HCN1: variants seen among roughly 807,000 people sequenced by gnomAD.
The protein encoded by HCN1 is hyperpolarization activated cyclic nucleotide gated potassium channel 1.
Under a neutral mutation model 78.9 loss-of-function variants are expected in HCN1, and 13 were observed. The observed-to-expected ratio is 0.16, with a 90% CI of 0.11 to 0.26. The LOEUF is 0.26. Among genes scored for constraint, HCN1 ranks in the 10% least tolerant of loss-of-function variants. HCN1 has a pLI of 1.00. For missense variants in HCN1, 810 were observed against 1,154.3 expected, an observed-to-expected ratio of 0.70 and a Z score of 4.32; for synonymous variants, 552 against 455.5, an observed-to-expected ratio of 1.21 and a Z score of -2.70.
chr5:45,438,206 C>T (rs1579894699), intron 3 of HCN1, among the ~76,000 whole-genome samples: 1 of 152,162 alleles, frequency 6.6e-6, no homozygotes, highest in South Asian at 2.1e-4. Context: ...CATGTTAACA[C>T]ATCCAATTTT....
At chr5:45,360,965 T>A (rs1257902459) in intron 4 of HCN1, among the ~76,000 whole-genome samples, 1 of 152,118 alleles carries the variant, frequency 6.6e-6, no homozygotes, top group African/African-American at 2.4e-5. Context: ...ATGCAAAAGC[T>A]TTTTTGAAAT....
rs370606536 is a variant in HCN1 at position 45,324,819 on chromosome 5, C to T, written c.1378-20980G>A. On this transcript the variant is annotated intron_variant, in intron 5 of 7. Transcript: ENST00000303230. ...AATTATAATCTCTACGCTGACTACA[C>T]GAAATTTGTGAAAAAAAATTTTTTA... Among the ~76,000 whole-genome samples, 26 of 151,410 alleles carry T rather than the reference C, an allele frequency of 1.7e-4. No homozygotes were observed. The South Asian group carries it at 4.4e-3, about 26-fold the overall frequency.
At chr5:45,319,390 A>G (rs1404887438) in intron 5 of HCN1, among the ~76,000 whole-genome samples, 1 of 151,932 alleles carries the variant, frequency 6.6e-6, no homozygotes, top group Non-Finnish European at 1.5e-5. Context: ...GTAAGTCGAC[A>G]TATCTGACTG....
At chr5:45,523,372 T>C (rs1369107123) in intron 2 of HCN1, among the ~76,000 whole-genome samples, 5 of 151,908 alleles carry the variant, frequency 3.3e-5, no homozygotes, top group Non-Finnish European at 7.4e-5. Context: ...GGGTATATAC[T>C]CAGTAATGGG....
intron 5 of HCN1, among the ~76,000 whole-genome samples, chr5:45,318,887 T>G (rs1746062136): frequency 6.6e-6 from 1 of 152,014 alleles, no homozygotes; most frequent in Non-Finnish European, 1.5e-5. Context: ...GCTATTCTGA[T>G]TTCTATCACT....
intron 5 of HCN1, among the ~76,000 whole-genome samples, chr5:45,315,146 T>C (rs1045281184): frequency 6.6e-6 from 1 of 152,154 alleles, no homozygotes; most frequent in African/African-American, 2.4e-5. Flanking sequence ...TATTCCAAAA[T>C]TGACAACATA....
chr5:45,423,575 CA>C (rs201744977), intron 3 of HCN1, among the ~76,000 whole-genome samples: 4,541 of 152,262 alleles, frequency 0.03, 229 homozygotes, highest in African/African-American at 0.1. Flanking sequence ...ATATTTCAAT[CA>C]TATCCATTCT....
At chr5:45,290,220 T>C (rs934512360) in intron 6 of HCN1, among the ~76,000 whole-genome samples, 7 of 152,056 alleles carry the variant, frequency 4.6e-5, no homozygotes, top group Non-Finnish European at 1.0e-4. Context: ...CCCAGCCATG[T>C]GGAGCTGTGA....
intron 2 of HCN1, among the ~76,000 whole-genome samples, chr5:45,518,320 T>C (rs1561185800): frequency 6.6e-6 from 1 of 151,944 alleles, no homozygotes; most frequent in South Asian, 2.1e-4. Context: ...CCAAGCAGTA[T>C]GAGAGGCCTC....
chr5:45,537,910 C>T (rs1353015242), intron 2 of HCN1, among the ~76,000 whole-genome samples: 1 of 152,000 alleles, frequency 6.6e-6, no homozygotes, highest in Non-Finnish European at 1.5e-5. Flanking sequence ...TTGTAGTAGA[C>T]TCCAAGGTCA....
At chr5:45,517,258 G>T (rs1452672037) in intron 2 of HCN1, among the ~76,000 whole-genome samples, 1 of 151,656 alleles carries the variant, frequency 6.6e-6, no homozygotes, top group Non-Finnish European at 1.5e-5. Context: ...AATTTCTAGT[G>T]GGGTAAAAAT....
At chr5:45,399,640 G>A (rs1005022142) in intron 3 of HCN1, among the ~76,000 whole-genome samples, 1 of 152,056 alleles carries the variant, frequency 6.6e-6, no homozygotes, top group African/African-American at 2.4e-5. Context: ...CATCAAATTT[G>A]TAGATTTAAA....
At chr5:45,659,940 G>A (rs1381422309) in intron 1 of HCN1, among the ~76,000 whole-genome samples, 1 of 145,594 alleles carries the variant, frequency 6.9e-6, no homozygotes, top group Non-Finnish European at 1.5e-5. Context: ...TTCAGATTCA[G>A]GAAATACAGA....
chr5:45,680,323 C>T (rs556098660), intron 1 of HCN1, among the ~76,000 whole-genome samples: 4 of 152,154 alleles, frequency 2.6e-5, no homozygotes, highest in South Asian at 4.1e-4. Flanking sequence ...TAAAGAATTG[C>T]TATTTTATAA....
intron 5 of HCN1, among the ~76,000 whole-genome samples, chr5:45,319,806 C>A (rs1746085282): frequency 6.6e-6 from 1 of 151,544 alleles, no homozygotes; most frequent in Non-Finnish European, 1.5e-5. Context: ...ATTCTAAATA[C>A]TCTGAAACTT....
At chr5:45,343,700 C>T (rs145407627) in intron 5 of HCN1, among the ~76,000 whole-genome samples, 1 of 152,070 alleles carries the variant, frequency 6.6e-6, no homozygotes, top group Non-Finnish European at 1.5e-5. Context: ...TATCATTTAG[C>T]TTTAGAGGAA....
At chr5:45,548,103 T>A (rs970500408) in intron 2 of HCN1, among the ~76,000 whole-genome samples, 6 of 151,948 alleles carry the variant, frequency 3.9e-5, no homozygotes, top group Non-Finnish European at 8.8e-5. Flanking sequence ...ACTAATTTCC[T>A]TTATTCAGAT....
intron 4 of HCN1, among the ~76,000 whole-genome samples, chr5:45,382,211 G>T (rs1747823245): frequency 6.6e-6 from 1 of 152,132 alleles, no homozygotes; most frequent in Non-Finnish European, 1.5e-5. Flanking sequence ...CCCTCCACAT[G>T]TTATTCCCTA....
At chr5:45,464,522 A>G (rs1741229966) in intron 2 of HCN1, among the ~76,000 whole-genome samples, 1 of 152,122 alleles carries the variant, frequency 6.6e-6, no homozygotes, top group Non-Finnish European at 1.5e-5. Flanking sequence ...TCACTTTTGG[A>G]GCTATCCCAA....
Sources: allele counts gnomAD v4.1 joint callset (sites outside exome capture counted in the v4.1 genomes callset), GRCh38; gene constraint gnomAD v4.1.1; transcripts MANE v1.5; gene names NCBI Gene and HGNC (gene_info 2026-07-23, HGNC 2026-07-21).